The following SLC6A11 variants were observed in gnomAD, a reference collection of about 807,000 sequenced individuals.
SLC6A11 encodes the protein solute carrier family 6 member 11, also known as sodium- and chloride-dependent GABA transporter 3.
Under a neutral mutation model 74.8 loss-of-function variants are expected in SLC6A11, and 25 were observed. That is an observed-to-expected ratio of 0.33 (90% CI 0.24 to 0.47). The LOEUF is 0.47. Among genes scored for constraint, SLC6A11 ranks in the 20% least tolerant of loss-of-function variants. SLC6A11 has a pLI of 1.00. For missense variants in SLC6A11, 574 were observed against 837.0 expected, an observed-to-expected ratio of 0.69 and a Z score of 3.88; for synonymous variants, 330 against 330.2, an observed-to-expected ratio of 1.00 and a Z score of 0.01.
At chr3:10,841,926 C>T (rs186782534) in intron 4 of SLC6A11, among the ~76,000 whole-genome samples, 1 of 152,336 alleles carries the variant, frequency 6.6e-6, no homozygotes, top group Non-Finnish European at 1.5e-5. Flanking sequence ...CTGGAGTGGG[C>T]TGGTGCAGAG....
intron 5 of SLC6A11, among the ~76,000 whole-genome samples, chr3:10,846,952 A>G (rs1257236047): frequency 1.3e-5 from 2 of 152,216 alleles, no homozygotes; most frequent in African/African-American, 4.8e-5. Context: ...CCTTTCACAC[A>G]TCTTCCCTGA....
At chr3:10,850,519 G>A (rs186404284) in intron 5 of SLC6A11, among the ~76,000 whole-genome samples, 5 of 151,668 alleles carry the variant, frequency 3.3e-5, no homozygotes, top group African/African-American at 1.2e-4. Context: ...GCACAGGGCT[G>A]GGAGAGGGAA....
intron 4 of SLC6A11, among the ~76,000 whole-genome samples, chr3:10,827,081 C>T (rs1694220075): frequency 6.6e-6 from 1 of 152,188 alleles, no homozygotes; most frequent in African/African-American, 2.4e-5. Flanking sequence ...TTGTCAGACA[C>T]CTCTAATTCC....
At chr3:10,916,560 G>A (rs566648150) in intron 7 of SLC6A11, among the ~76,000 whole-genome samples, 2 of 152,312 alleles carry the variant, frequency 1.3e-5, no homozygotes, top group East Asian at 1.9e-4. Flanking sequence ...CTCCCCTGGG[G>A]AAGTTCTCAT....
chr3:10,871,543 G>A (rs114101079), intron 5 of SLC6A11, among the ~76,000 whole-genome samples: 1 of 152,090 alleles, frequency 6.6e-6, no homozygotes, highest in South Asian at 2.1e-4. Context: ...GCTTTGGTTG[G>A]GGGGGAGGGG....
chr3:10,899,371 G>A (rs1695209704), intron 6 of SLC6A11, among the ~76,000 whole-genome samples: 2 of 152,306 alleles, frequency 1.3e-5, no homozygotes, highest in Non-Finnish European at 2.9e-5. Flanking sequence ...AAATTTGAAT[G>A]TGTTCCCATT....
At chr3:10,909,692 T>C (rs1015944539) in intron 6 of SLC6A11, among the ~76,000 whole-genome samples, 1 of 152,224 alleles carries the variant, frequency 6.6e-6, no homozygotes, top group Non-Finnish European at 1.5e-5. Context: ...AAGTTGCCAC[T>C]GGGATTTGGC....
intron 6 of SLC6A11, among the ~76,000 whole-genome samples, chr3:10,885,078 C>A (rs1163226255): frequency 1.3e-5 from 2 of 152,208 alleles, no homozygotes; most frequent in African/African-American, 4.8e-5. Context: ...ACCGCTGCTC[C>A]CTTTCTCACA....
rs1162403443 is a variant in SLC6A11 at position 10,920,030 on chromosome 3, G to A, written c.1120+1577G>A. ...CATATTCAACCACAGGCAGCCCTGC[G>A]AGGAGGGATCATTGCCTTCTCAGTA... On this transcript the variant is annotated intron_variant, in intron 8 of 13. Coordinates refer to ENST00000254488, the MANE Select transcript of SLC6A11 (RefSeq NM_014229.3). 5.3e-5 allele frequency among the ~76,000 whole-genome samples: 8 copies of A among 152,174 alleles called. No individual in the cohort carries two copies. The East Asian group carries it at 1.2e-3, about 22-fold the overall frequency.
intron 5 of SLC6A11, among the ~76,000 whole-genome samples, chr3:10,869,246 G>A (rs1407830060): frequency 2.6e-5 from 4 of 152,222 alleles, no homozygotes; most frequent in African/African-American, 9.7e-5. Flanking sequence ...GGGAATGACA[G>A]GGGTGATGAA....
At chr3:10,833,558 C>T (rs549620892) in intron 4 of SLC6A11, among the ~76,000 whole-genome samples, 101 of 152,192 alleles carry the variant, frequency 6.6e-4, no homozygotes, top group African/African-American at 2.4e-3. Context: ...CTTGTATGCA[C>T]GGTTGTTGAA....
chr3:10,893,654 G>A (rs190584779), intron 6 of SLC6A11, among the ~76,000 whole-genome samples: 1 of 152,070 alleles, frequency 6.6e-6, no homozygotes, highest in Non-Finnish European at 1.5e-5. Flanking sequence ...TGTCGTGAAC[G>A]CGTCTCTTCC....
At position 10,938,326 on chromosome 3, in the gene SLC6A11, C is replaced by T. The variant is rs145036467; in HGVS notation, c.1823C>T (p.Thr608Ile). Reference protein sequence around the residue: ...GKLGVSPRMVTVNDCDAKLKS... With the variant: ...GKLGVSPRMVIVNDCDAKLKS... ...CTTGGGGTGAGCCCACGGATGGTGA[C>T]AGTTAATGACTGTGATGCCAAACTC... Residue 608 changes from threonine to isoleucine, a missense_variant, in exon 14 of 14, where the codon ACA (threonine) becomes ATA (isoleucine). By Grantham distance (89) the Thr-to-Ile change is moderately conservative. Around this residue, in one of 4 missense-constraint regions of SLC6A11, gnomAD observed 257 missense variants for 341.5 expected, o/e 0.75. Transcript: ENST00000254488. 1.7e-5 allele frequency: 28 copies of T among 1,613,194 alleles called. No homozygotes were observed. In the African/African-American group the frequency reaches 3.3e-4, roughly 19 times the overall value.
At chr3:10,882,122 C>T (rs934742138) in intron 6 of SLC6A11, among the ~76,000 whole-genome samples, 8 of 152,230 alleles carry the variant, frequency 5.3e-5, no homozygotes, top group Middle Eastern at 3.4e-3. Context: ...TCCTCCCTCC[C>T]GGCCAGTAAA....
chr3:10,914,215 G>A (rs1212407562), intron 7 of SLC6A11, among the ~76,000 whole-genome samples: 1 of 152,198 alleles, frequency 6.6e-6, no homozygotes, highest in African/African-American at 2.4e-5. Flanking sequence ...CAGGGAAAGT[G>A]AAGCTGGTGG....
In SLC6A11 at chr3:10,934,151, C is replaced by T. The variant is rs1240875801; in HGVS notation, c.1560C>T (p.Thr520=). Residue 520 remains threonine, a synonymous_variant, in exon 12 of 14, where the codon ACC becomes ACT. Coordinates refer to ENST00000254488, the MANE Select transcript of SLC6A11 (RefSeq NM_014229.3). ...SLIKWCWMIM[T]PGICAGIFIF... ...TTAAGTGGTGCTGGATGATCATGAC[C>T]CCTGGGATCTGCGCGGTAAGGGCCC... 4 of 1,612,368 alleles carry T rather than the reference C, an allele frequency of 2.5e-6. No homozygotes were observed. Among genetic ancestry groups the T allele is most frequent in the South Asian group, 1.1e-5 (1 of 91,040 alleles).
At chr3:10,852,358 G>C (rs948017259) in intron 5 of SLC6A11, among the ~76,000 whole-genome samples, 4 of 152,264 alleles carry the variant, frequency 2.6e-5, no homozygotes, top group African/African-American at 9.6e-5. Context: ...ACTGTGGTTT[G>C]GGGAGAGCAG....
At chr3:10,858,575 A>G (rs752629485) in intron 5 of SLC6A11, among the ~76,000 whole-genome samples, 18 of 152,196 alleles carry the variant, frequency 1.2e-4, no homozygotes, top group Non-Finnish European at 8.8e-5. Flanking sequence ...TCACTAACTT[A>G]TGTTATGTCA....
rs959473000 is a variant in SLC6A11, at chr3:10,926,379, C to T, written c.1233+263C>T. On this transcript the variant is annotated intron_variant, in intron 9 of 13. Transcript: ENST00000254488. The surrounding 1 kb of genome is among the most constrained non-coding windows in gnomAD (Gnocchi z 5.7). Reference sequence around the variant, plus strand: ...CCTTCCCAAACACTGTTTTCCTTACCGGAATTCCCAACTCTCAATTCACAT... The same window carrying T: ...CCTTCCCAAACACTGTTTTCCTTACTGGAATTCCCAACTCTCAATTCACAT... Among the ~76,000 whole-genome samples the T allele has an allele frequency of 2.6e-5, 4 of 152,182 alleles. No homozygotes were observed. Among genetic ancestry groups the T allele is most frequent in the Admixed American group, 6.5e-5 (1 of 15,280 alleles).
Sources: gnomAD v4.1 joint callset for allele counts (sites outside exome capture counted in the v4.1 genomes callset) on GRCh38, gnomAD v4.1.1 for gene constraint, gnomAD v4.1.1 regional missense constraint, Gnocchi (gnomAD v3.1) non-coding constraint, MANE v1.5 for transcripts, NCBI Gene and HGNC (gene_info 2026-07-23, HGNC 2026-07-21) for gene names.